Variants in PCP2 observed in about 807,000 individuals in gnomAD.
The protein encoded by PCP2 is Purkinje cell protein 2 homolog.
PCP2 carries 21 observed loss-of-function variants against 18.3 expected under a neutral mutation model. The ratio of observed to expected loss-of-function variants is 1.14; its 90% CI spans 0.81 to 1.65. PCP2 has a LOEUF of 1.65. Ranked by LOEUF, PCP2 falls within the 40% of genes most tolerant of loss-of-function variation. The pLI is 0.00. For missense variants in PCP2, 202 were observed against 201.8 expected (o/e 1.00, Z 0.00); for synonymous variants, 85 against 77.6 (o/e 1.10, Z -0.50).
chr19:7,635,113 G>T (rs540492392), upstream of PCP2, among the ~76,000 whole-genome samples: 3 of 152,202 alleles, frequency 2.0e-5, no homozygotes, highest in Non-Finnish European at 2.9e-5. Flanking sequence ...TTGGGGGTTA[G>T]TGGTGGGGTG....
At position 7,633,450 on chromosome 19, in the gene PCP2, T is replaced by G; in HGVS notation, c.8A>C (p.Asp3Ala). The change falls in exon 1 of 4, where the codon GAT (aspartate) becomes GCT (alanine). Residue 3 changes from aspartate (D) to alanine (A), a missense_variant. Asp to Ala is a moderately radical substitution (Grantham distance 126, BLOSUM62 -2). Coordinates refer to ENST00000311069, the MANE Select transcript of PCP2 (RefSeq NM_174895.3). ...GCCTTCCTCCGTCTTCTCCTCCTGA[T>G]CCATCATGTCCCTGGACTCCAGTCA... The part of the protein sequence containing the change: MM[D>A]QEEKTEEGSG... The G allele has an allele frequency of 1.9e-6, 3 of 1,576,202 alleles. No individual in the cohort carries two copies. The highest frequency in any genetic ancestry group is 2.6e-6 in the Non-Finnish European group (3 of 1,159,602).
rs926038185 is a variant in PCP2 at position 7,632,215 on chromosome 19, C to G, written c.291+178G>C. Reference sequence around the variant, plus strand: ...CCATGGGTCTTACACTAGCATGGCCCCTGTATAACCTTGGGCCCCTCTAGC... The same window carrying G: ...CCATGGGTCTTACACTAGCATGGCCGCTGTATAACCTTGGGCCCCTCTAGC... On this transcript the variant is annotated intron_variant, in intron 3 of 3. Transcript: ENST00000311069. This position sits in a 1 kb window ranked among gnomAD's most constrained non-coding sequence, Gnocchi z 5.2. Among the ~76,000 whole-genome samples the G allele has an allele frequency of 5.3e-5, 8 of 152,170 alleles. No individual in the cohort carries two copies. Among genetic ancestry groups the G allele is most frequent in the African/African-American group, 1.9e-4 (8 of 41,430 alleles).
chr19:7,634,833 G>A (rs1436089525), upstream of PCP2, among the ~76,000 whole-genome samples: 1 of 152,124 alleles, frequency 6.6e-6, no homozygotes, highest in South Asian at 2.1e-4. Context: ...GATGTCCTTG[G>A]CTTGTCACTG....
rs766630092 is a variant in PCP2, at chr19:7,631,737, G to A, written c.363C>T (p.Leu121=). The change falls in exon 4 of 4, where the codon CTC becomes CTT. Residue 121 remains leucine (L), a synonymous_variant. Coordinates refer to ENST00000311069, the MANE Select transcript of PCP2 (RefSeq NM_174895.3). ...GGGGGCTGCTGTTCCGACGGAAGCC[G>A]AGAGCGGTCGGGTCCTGAGGGGTGA... ...PLLTPQDPTA[L]GFRRNSSPQP... is the part of the protein sequence containing the mutation. 5.5e-6 allele frequency: 8 copies of A among 1,447,818 alleles called. No homozygotes were observed. Among genetic ancestry groups the A allele is most frequent in the East Asian group, 2.6e-5 (1 of 38,678 alleles). The allele number at this position is 1,447,818 out of a possible 1,614,324, so 89.7% of individuals were successfully genotyped here.
At position 7,632,950 on chromosome 19, in the gene PCP2, C is replaced by T; in HGVS notation, c.52-120G>A. The T allele has an allele frequency of 6.8e-7, 1 of 1,478,982 alleles. No homozygotes were observed. The highest frequency in any genetic ancestry group is 1.3e-5 in the South Asian group (1 of 74,448). The allele number at this position is 1,478,982 out of a possible 1,614,324, so 91.6% of individuals were successfully genotyped here. On this transcript the variant is annotated intron_variant, in intron 1 of 3. Coordinates refer to ENST00000311069, the MANE Select transcript of PCP2 (RefSeq NM_174895.3). The surrounding 1 kb of genome is among the most constrained non-coding windows in gnomAD (Gnocchi z 5.2). ...CTGCCGTCCCCACTTCCTCAGCTCT[C>T]ACCATGGTCCCCGCCGATCCTCTCT... is the stretch of plus-strand genomic sequence containing the variant.
chr19:7,636,940 C>T, upstream of PCP2: 1 of 423,654 alleles, frequency 2.4e-6, no homozygotes. Flanking sequence ...CCTCCAGCGA[C>T]TTCGTGCTCG....
At chr19:7,636,884 G>A (rs2031555949), upstream of PCP2, 2 of 384,198 alleles carry the variant, frequency 5.2e-6, no homozygotes, top group South Asian at 1.4e-4. Flanking sequence ...AAGCCAGGAA[G>A]TGTGTGTCTG....
rs376914944 is a variant in PCP2, at chr19:7,632,369, C to G, written c.291+24G>C. ...GAGCACTGCCTGGCGGGTTTCTCCT[C>G]GACATCGCCAGAACATCACCTACCT... On this transcript the variant is annotated intron_variant, in intron 3 of 3. Coordinates refer to ENST00000311069, the MANE Select transcript of PCP2 (RefSeq NM_174895.3). This position sits in a 1 kb window ranked among gnomAD's most constrained non-coding sequence, Gnocchi z 5.2. 1.9e-6 allele frequency: 3 copies of G among 1,612,900 alleles called. No individual in the cohort carries two copies. Among genetic ancestry groups the G allele is most frequent in the Non-Finnish European group, 2.5e-6 (3 of 1,179,620 alleles).
At chr19:7,634,221 C>T (rs1028059466), upstream of PCP2, among the ~76,000 whole-genome samples, 1 of 152,196 alleles carries the variant, frequency 6.6e-6, no homozygotes, top group African/African-American at 2.4e-5. Flanking sequence ...AGAGGACGTC[C>T]CTGCCTTTTC....
In PCP2 at chr19:7,631,684, G is replaced by T; in HGVS notation, c.*5C>A. On this transcript the variant is annotated 3_prime_UTR_variant, in exon 4 of 4. Coordinates refer to ENST00000311069, the MANE Select transcript of PCP2 (RefSeq NM_174895.3). The stretch of plus-strand genomic sequence containing the variant: ...GCCGAGTGAGACCCAGGATGCCTCA[G>T]GCCCTCAGGGGGCTTGTGTCGGGGG... 6.9e-7 allele frequency: 1 copy of T among 1,459,368 alleles called. No individual in the cohort carries two copies. The highest frequency in any genetic ancestry group is 2.4e-5 in the Admixed American group (1 of 41,910). The allele number at this position is 1,459,368 out of a possible 1,614,324, so 90.4% of individuals were successfully genotyped here. A position where few individuals can be genotyped will look rare whatever the true frequency, so the allele number is the denominator to read the frequency against.
At chr19:7,636,300 G>A (rs908720913), upstream of PCP2, 1 of 152,152 alleles carries the variant, frequency 6.6e-6, no homozygotes, top group African/African-American at 2.4e-5. Flanking sequence ...TTTTGTATGG[G>A]TGCTGCTGGG....
In PCP2 at chr19:7,632,808, C is replaced by A. The variant is rs144932705; in HGVS notation, c.74G>T (p.Gly25Val). 2 of 1,557,916 alleles carry A rather than the reference C, an allele frequency of 1.3e-6. No homozygotes were observed. Among genetic ancestry groups the A allele is most frequent in the African/African-American group, 2.7e-5 (2 of 73,626 alleles). Residue 25 changes from glycine to valine, a missense_variant, in exon 2 of 4, where the codon GGC (glycine) becomes GTC (valine). Physicochemically the swap from Gly to Val is moderately radical, Grantham distance 109. Transcript: ENST00000311069. This position sits in a 1 kb window ranked among gnomAD's most constrained non-coding sequence, Gnocchi z 5.2. The stretch of plus-strand genomic sequence containing the variant: ...CACGTGGCTCAGCAGATTGAAGAAG[C>A]CCTCCTGGTCTGGGGAGCCCGCCTG... ...CAEAGSPDQE[G>V]FFNLLSHVQG...
upstream of PCP2, among the ~76,000 whole-genome samples, chr19:7,635,372 G>A (rs950947620): frequency 6.6e-6 from 1 of 152,228 alleles, no homozygotes; most frequent in African/African-American, 2.4e-5. Context: ...TGTATGGTAT[G>A]TGAATTATAT....
Position 7,632,324 on chromosome 19 carries a change from G to T in PCP2, c.291+69C>A. On this transcript the variant is annotated intron_variant, in intron 3 of 3. Transcript: ENST00000311069. This position sits in a 1 kb window ranked among gnomAD's most constrained non-coding sequence, Gnocchi z 5.2. ...GGCAGGCCCTGTTCCCTCCTGGCTGGGGTGGAGGGCAGGATCGGAGAGCAC... is the reference window on the plus strand; with the variant it reads ...GGCAGGCCCTGTTCCCTCCTGGCTGTGGTGGAGGGCAGGATCGGAGAGCAC... 2.5e-6 allele frequency: 4 copies of T among 1,594,366 alleles called. No homozygotes were observed. The highest frequency in any genetic ancestry group is 3.4e-6 in the Non-Finnish European group (4 of 1,170,692).
upstream of PCP2, chr19:7,636,961 C>A: frequency 4.0e-6 from 2 of 495,742 alleles, no homozygotes; most frequent in Middle Eastern, 5.8e-4. Context: ...GCAGCGCGGA[C>A]GCACCTGCCC....
Position 7,631,806 on chromosome 19 carries a change from G to A in PCP2, c.294C>T (p.Asp98=), listed in dbSNP as rs536672303. Residue 98 remains aspartate (D), a splice_region_variant and synonymous_variant, in exon 4 of 4, where the codon GAC becomes GAT. Transcript: ENST00000311069. ...LPGFQPVGSK[D]GAQKRAGTLS... ...GGGTCCCAGCTCGTTTCTGTGCTCC[G>A]TCCTGTGGATGAAGAGGGGTCAGCC... The A allele has an allele frequency of 1.6e-5, 22 of 1,405,152 alleles. No individual in the cohort carries two copies. Among genetic ancestry groups the A allele is most frequent in the South Asian group, 5.7e-5 (3 of 52,402 alleles). The allele number at this position is 1,405,152 out of a possible 1,614,324, so 87.0% of individuals were successfully genotyped here.
Position 7,633,512 on chromosome 19 carries a change from G to A in PCP2, c.-55C>T, listed in dbSNP as rs1273167577. On this transcript the variant is annotated 5_prime_UTR_variant, in exon 1 of 4. Coordinates refer to ENST00000311069, the MANE Select transcript of PCP2 (RefSeq NM_174895.3). Reference sequence around the variant, plus strand: ...GCCTCTGCCCCGGCCCAGTGCCAGAGAGGGCCTTTTAAACGTCCAGGACGT... The same window carrying A: ...GCCTCTGCCCCGGCCCAGTGCCAGAAAGGGCCTTTTAAACGTCCAGGACGT... 2 of 1,536,374 alleles carry A rather than the reference G, an allele frequency of 1.3e-6. No individual in the cohort carries two copies. Among genetic ancestry groups the A allele is most frequent in the Admixed American group, 2.0e-5 (1 of 50,822 alleles).
chr19:7,633,770 C>T (rs922345703), upstream of PCP2: 2 of 396,334 alleles, frequency 5.0e-6, no homozygotes, highest in Non-Finnish European at 9.1e-6. Context: ...GAGCAGCATC[C>T]CCACAGTTGG....
upstream of PCP2, chr19:7,636,818 C>T (rs891415023): frequency 3.1e-5 from 9 of 295,072 alleles, no homozygotes; most frequent in Admixed American, 5.2e-5. Flanking sequence ...CTTGCAGGCA[C>T]AGAACCTCCC....
Sources: gnomAD v4.1 joint callset for allele counts (sites outside exome capture counted in the v4.1 genomes callset) on GRCh38, gnomAD v4.1.1 for gene constraint, Gnocchi (gnomAD v3.1) non-coding constraint, MANE v1.5 for transcripts, NCBI Gene and HGNC (gene_info 2026-07-23, HGNC 2026-07-21) for gene names.